The following TAFA5 variants were observed in gnomAD, a reference collection of about 807,000 sequenced individuals.
TAFA5 encodes TAFA chemokine like family member 5.
In TAFA5, 6 loss-of-function variants were observed where a neutral mutation model predicts 15.3. The ratio of observed to expected loss-of-function variants is 0.39; its 90% CI spans 0.21 to 0.77. The LOEUF (loss-of-function observed/expected upper bound fraction) is 0.77, where lower values mean the gene tolerates loss of function less well. TAFA5 is among the 30% of genes least tolerant of loss of function. The pLI is 0.41. For missense variants in TAFA5, 161 were observed against 193.1 expected (o/e 0.83, Z 0.98); for synonymous variants, 103 against 80.7 (o/e 1.28, Z -1.48).
intron 1 of TAFA5, among the ~76,000 whole-genome samples, chr22:48,506,778 G>A (rs1457263096): frequency 6.6e-6 from 1 of 152,206 alleles, no homozygotes; most frequent in African/African-American, 2.4e-5. Context: ...GGCAGGCGGG[G>A]GTCCCCAACC....
At chr22:48,724,074 T>C (rs1485011286) in intron 3 of TAFA5, among the ~76,000 whole-genome samples, 1 of 151,836 alleles carries the variant, frequency 6.6e-6, no homozygotes, top group Non-Finnish European at 1.5e-5. Flanking sequence ...GACTCGGGGT[T>C]CTGGTTGCAT....
At chr22:48,542,536 G>GGT (rs1285501219) in intron 1 of TAFA5, among the ~76,000 whole-genome samples, 6 of 110,866 alleles carry the variant, frequency 5.4e-5, no homozygotes, top group Non-Finnish European at 1.1e-4. Context: ...TGTGGTGTGT[G>GGT]GTGTGTGTGT....
intron 1 of TAFA5, among the ~76,000 whole-genome samples, chr22:48,613,426 G>A (rs1016433209): frequency 6.6e-6 from 1 of 152,080 alleles, no homozygotes; most frequent in Non-Finnish European, 1.5e-5. Context: ...GGGCCCTGCC[G>A]TCTCTGCCTC....
chr22:48,568,869 C>A (rs924638573), intron 1 of TAFA5, among the ~76,000 whole-genome samples: 1 of 152,198 alleles, frequency 6.6e-6, no homozygotes, highest in African/African-American at 2.4e-5. Flanking sequence ...TGAGCACAGC[C>A]TCTGGGGCTG....
chr22:48,503,926 C>T (rs573112418), intron 1 of TAFA5, among the ~76,000 whole-genome samples: 7 of 152,216 alleles, frequency 4.6e-5, no homozygotes, highest in South Asian at 4.1e-4. Context: ...TGTGGGGTGC[C>T]GAGCCAGCTC....
At chr22:48,664,510 C>G (rs1339092899) in intron 2 of TAFA5, among the ~76,000 whole-genome samples, 1 of 152,192 alleles carries the variant, frequency 6.6e-6, no homozygotes, top group Non-Finnish European at 1.5e-5. Context: ...GGTGACTATT[C>G]TTTTTTAAAG....
At chr22:48,532,823 G>A (rs2147113726) in intron 1 of TAFA5, among the ~76,000 whole-genome samples, 1 of 152,364 alleles carries the variant, frequency 6.6e-6, no homozygotes, top group Non-Finnish European at 1.5e-5. Context: ...GGGAAGACGG[G>A]CTGGGAGCAT....
intron 1 of TAFA5, among the ~76,000 whole-genome samples, chr22:48,522,865 C>G (rs1002480438): frequency 6.6e-6 from 1 of 152,238 alleles, no homozygotes; most frequent in Non-Finnish European, 1.5e-5. Context: ...CCCTCCAGCT[C>G]CAGTATATCG....
At chr22:48,717,082 G>A (rs1601694735) in intron 3 of TAFA5, among the ~76,000 whole-genome samples, 1 of 152,350 alleles carries the variant, frequency 6.6e-6, no homozygotes, top group East Asian at 1.9e-4. Flanking sequence ...CCCAGAAAAT[G>A]AATGAATACA....
At chr22:48,637,312 GCATGTGCACA>G (rs71934418) in intron 1 of TAFA5, among the ~76,000 whole-genome samples, 15,595 of 152,038 alleles carry the variant, frequency 0.1, 867 homozygotes, top group East Asian at 0.19. Context: ...GCTCATGGTG[GCATGTGCACA>G]CATGTGCACA....
chr22:48,713,748 T>C lies in TAFA5; in HGVS notation c.390+5904T>C, dbSNP rs371226942. On this transcript the variant is annotated intron_variant, in intron 3 of 3. Transcript: ENST00000402357. Reference sequence around the variant, plus strand: ...CCCTGTCCCAGTGGATGGCTTGCCTTGTCCAGGCCACCAGGATCCTTGCCC... The same window carrying C: ...CCCTGTCCCAGTGGATGGCTTGCCTCGTCCAGGCCACCAGGATCCTTGCCC... Among the ~76,000 whole-genome samples the C allele has an allele frequency of 1.1e-4, 17 of 152,354 alleles. No homozygotes were observed. The East Asian group carries it at 2.5e-3, about 22-fold the overall frequency.
At chr22:48,728,721 G>C (rs1337768831) in intron 3 of TAFA5, among the ~76,000 whole-genome samples, 2 of 152,180 alleles carry the variant, frequency 1.3e-5, no homozygotes, top group Non-Finnish European at 2.9e-5. Context: ...ACTTAAGCGG[G>C]AGGAAAAGCC....
chr22:48,597,385 C>T (rs1260151835), intron 1 of TAFA5, among the ~76,000 whole-genome samples: 2 of 151,838 alleles, frequency 1.3e-5, no homozygotes, highest in Non-Finnish European at 2.9e-5. Flanking sequence ...CCCGCATCAC[C>T]TGGGCCTCAG....
chr22:48,628,225 C>T (rs916983193), intron 1 of TAFA5, among the ~76,000 whole-genome samples: 10 of 152,222 alleles, frequency 6.6e-5, no homozygotes, highest in Non-Finnish European at 1.5e-4. Context: ...CACTTCTCCA[C>T]AGGCCCAGGC....
At chr22:48,572,043 CA>C (rs1483531470) in intron 1 of TAFA5, among the ~76,000 whole-genome samples, 1 of 152,040 alleles carries the variant, frequency 6.6e-6, no homozygotes, top group Admixed American at 6.6e-5. Flanking sequence ...TTATTGATAC[CA>C]TATTATTTCA....
chr22:48,598,588 G>A lies in TAFA5; in HGVS notation c.113-48009G>A, dbSNP rs947366462. ...CCATGTAGGCTGCCATGGTGTCACC[G>A]GCTGACCTGGTTTCACTCACACTTC... On this transcript the variant is annotated intron_variant, in intron 1 of 3. Coordinates refer to ENST00000402357, the MANE Select transcript of TAFA5 (RefSeq NM_001082967.3). This position sits in a 1 kb window ranked among gnomAD's most constrained non-coding sequence, Gnocchi z 4.0. Among the ~76,000 whole-genome samples, 4 of 152,106 alleles carry A rather than the reference G, an allele frequency of 2.6e-5. No homozygotes were observed. The highest frequency in any genetic ancestry group is 2.1e-4 in the South Asian group (1 of 4,824).
At chr22:48,735,078 T>C (rs560032492) in intron 3 of TAFA5, among the ~76,000 whole-genome samples, 1 of 152,262 alleles carries the variant, frequency 6.6e-6, no homozygotes, top group East Asian at 1.9e-4. Context: ...GTAGATTAAC[T>C]CATTCATTCC....
At chr22:48,599,141 G>A (rs189609760) in intron 1 of TAFA5, among the ~76,000 whole-genome samples, 206 of 152,210 alleles carry the variant, frequency 1.4e-3, no homozygotes, top group African/African-American at 4.9e-3. Context: ...TGTTTCCTTG[G>A]GTACATATGA....
intron 1 of TAFA5, among the ~76,000 whole-genome samples, chr22:48,630,242 C>T (rs959959435): frequency 6.6e-6 from 1 of 152,142 alleles, no homozygotes; most frequent in African/African-American, 2.4e-5. Context: ...CTGGGCATCT[C>T]TGGTTGGAGG....
Sources: gnomAD v4.1 joint callset for allele counts (sites outside exome capture counted in the v4.1 genomes callset) on GRCh38, gnomAD v4.1.1 for gene constraint, Gnocchi (gnomAD v3.1) non-coding constraint, MANE v1.5 for transcripts, NCBI Gene and HGNC (gene_info 2026-07-23, HGNC 2026-07-21) for gene names.